Variants in KIF14 observed in about 807,000 individuals in gnomAD.
KIF14 encodes kinesin-like protein KIF14.
KIF14 carries 98 observed loss-of-function variants against 176.2 expected under a neutral mutation model. The ratio of observed to expected loss-of-function variants is 0.56; its 90% confidence interval spans 0.47 to 0.66. The LOEUF (loss-of-function observed/expected upper bound fraction) is 0.66. KIF14 is among the 30% of genes least tolerant of loss of function. The probability of loss-of-function intolerance (pLI) is 0.00; values close to 1 mark genes in which losing one functional copy is unlikely to be tolerated. For missense variants in KIF14, 1,751 were observed against 1,920.4 expected (o/e 0.91, Z 1.65); for synonymous variants, 566 against 632.2 (o/e 0.90, Z 1.57).
rs1022833428 is a variant in KIF14, at chr1:200,570,800, A to G, written c.3567-795T>C. ...AGGGGTACATGTGCAGGTTTGTTAC[A>G]TGGGTAAATTTCATGCTGTGGGGGT... On this transcript the variant is annotated intron_variant, in intron 22 of 29. Transcript: ENST00000367350. 2.0e-5 allele frequency among the ~76,000 whole-genome samples: 3 copies of G among 152,136 alleles called. No homozygotes were observed. The East Asian group carries it at 5.8e-4, about 29-fold the overall frequency.
At chr1:200,557,066 C>T (rs1299129861) in intron 27 of KIF14, among the ~76,000 whole-genome samples, 2 of 152,152 alleles carry the variant, frequency 1.3e-5, no homozygotes, top group African/African-American at 2.4e-5. Flanking sequence ...TGCAGTGGCA[C>T]GATCTTGGCT....
In KIF14 at chr1:200,617,961, A is replaced by T. The variant is rs764115320; in HGVS notation, c.763T>A (p.Tyr255Asn). 6.2e-7 allele frequency: 1 copy of T among 1,613,966 alleles called. No homozygotes were observed. The highest frequency in any genetic ancestry group is 8.5e-7 in the Non-Finnish European group (1 of 1,179,988). Residue 255 changes from tyrosine (Y) to asparagine (N), a missense_variant, in exon 2 of 30, where the codon TAT becomes AAT. Coordinates refer to ENST00000367350, the MANE Select transcript of KIF14 (RefSeq NM_014875.3). Reference protein sequence around the residue: ...DIKVLGTGNLYHRSIGKEIAK... With the variant: ...DIKVLGTGNLNHRSIGKEIAK... ...ATTTCCTTCCCAATACTTCTATGAT[A>T]CAAGTTTCCTGTTCCCAACACTTTG...
intron 9 of KIF14, 130 bp from the exon 10 acceptor site, chr1:200,603,471 G>A: frequency 1.7e-6 from 1 of 592,344 alleles, no homozygotes; most frequent in Non-Finnish European, 3.0e-6. Flanking sequence ...TTTTGAGACA[G>A]AGTCTCACTC....
At chr1:200,592,792 T>C (rs1293072732) in intron 15 of KIF14, among the ~76,000 whole-genome samples, 2 of 152,230 alleles carry the variant, frequency 1.3e-5, no homozygotes, top group Non-Finnish European at 2.9e-5. Flanking sequence ...ACCTGGATGG[T>C]ATAGCCTACT....
At chr1:200,617,492 T>G (rs1660458647) in intron 2 of KIF14, 120 bp downstream of exon 2, 1 of 955,886 alleles carries the variant, frequency 1.0e-6, no homozygotes, top group Admixed American at 2.4e-5. Flanking sequence ...TCTTTCTATA[T>G]AAAAGTATTG....
intron 5 of KIF14, among the ~76,000 whole-genome samples, chr1:200,607,575 A>T (rs940793718): frequency 7.9e-5 from 12 of 152,196 alleles, no homozygotes; most frequent in African/African-American, 2.9e-4. Context: ...TACATTATAC[A>T]TTTTCAACTT....
At position 200,617,805 on chromosome 1, in the gene KIF14, T is replaced by G. The variant is rs762230114; in HGVS notation, c.919A>C (p.Arg307=). 1.8e-5 allele frequency: 29 copies of G among 1,614,062 alleles called. No homozygotes were observed. Among genetic ancestry groups the G allele is most frequent in the Non-Finnish European group, 2.4e-5 (28 of 1,180,004 alleles). The change falls in exon 2 of 30, where the codon AGA becomes CGA. Residue 307 remains arginine, a synonymous_variant. Coordinates refer to ENST00000367350, the MANE Select transcript of KIF14 (RefSeq NM_014875.3). ...KSPAPSILKN[R]MSNLQVKQRP... ...TGTTTAACTTGAAGGTTAGACATTC[T>G]ATTCTTCAGTATTGATGGAGCTGGG...
In KIF14 at chr1:200,553,384, G is replaced by A. The variant is rs1260312926; in HGVS notation, c.*4C>T. On this transcript the variant is annotated 3_prime_UTR_variant, in exon 30 of 30. Transcript: ENST00000367350. ...TGGTCATAAAAGTGCCTACACATCA[G>A]TATTCACACCCACTGAATCCTACTG... The A allele has an allele frequency of 2.5e-6, 4 of 1,595,398 alleles. No homozygotes were observed. The highest frequency in any genetic ancestry group is 3.4e-6 in the Non-Finnish European group (4 of 1,172,102).
At chr1:200,566,632 G>T (rs571512405) in intron 23 of KIF14, among the ~76,000 whole-genome samples, 1 of 150,272 alleles carries the variant, frequency 6.7e-6, no homozygotes, top group East Asian at 2.1e-4. Flanking sequence ...TTGCTCTGTT[G>T]CCCAGGCTGG....
intron 1 of KIF14, among the ~76,000 whole-genome samples, chr1:200,619,753 T>C (rs1330702426): frequency 6.6e-6 from 1 of 152,250 alleles, no homozygotes; most frequent in East Asian, 1.9e-4. Context: ...CGATAAGTAC[T>C]GTAAATTAAT....
In KIF14 at chr1:200,565,536, G is replaced by T. The variant is rs139438069; in HGVS notation, c.3795C>A (p.Asp1265Glu). ...TTTTAAGAAAACTATTAATTAGGCTGTCTGCTATAGTTCTTTCTTCATCAT... is the reference window on the plus strand; with the variant it reads ...TTTTAAGAAAACTATTAATTAGGCTTTCTGCTATAGTTCTTTCTTCATCAT... Reference protein sequence around the residue: ...QSYDEERTIADSLINSFLKIY... With the variant: ...QSYDEERTIAESLINSFLKIY... The change falls in exon 24 of 30, where the codon GAC becomes GAA. Residue 1265 changes from aspartate (D) to glutamate (E), a missense_variant. Physicochemically the swap from Asp to Glu is conservative, Grantham distance 45. Coordinates refer to ENST00000367350, the MANE Select transcript of KIF14 (RefSeq NM_014875.3). 8.7e-6 allele frequency: 14 copies of T among 1,610,916 alleles called. No homozygotes were observed. The African/African-American group carries it at 1.9e-4, about 22-fold the overall frequency.
rs1472156135 is a variant in KIF14, at chr1:200,606,782, T to A, written c.1571A>T (p.His524Leu). Residue 524 changes from histidine to leucine, a missense_variant, in exon 6 of 30, where the codon CAT becomes CTT. Physicochemically the swap from His to Leu is moderately conservative, Grantham distance 99 (BLOSUM62 -3). Coordinates refer to ENST00000367350, the MANE Select transcript of KIF14 (RefSeq NM_014875.3). The part of the protein sequence containing the change: ...QRKQPLRVRE[H>L]PVYGPYVEAL... The stretch of plus-strand genomic sequence containing the variant: ...TTCAACATATGGTCCATAAACAGGA[T>A]GTTCCCTCACTCTCAGCTAGAAGAA... 1.2e-6 allele frequency: 2 copies of A among 1,613,392 alleles called. No individual in the cohort carries two copies. Among genetic ancestry groups the A allele is most frequent in the Admixed American group, 1.7e-5 (1 of 59,998 alleles).
Position 200,589,313 on chromosome 1 carries a change from G to T in KIF14, c.3018C>A (p.His1006Gln), listed in dbSNP as rs748381543. ...TTGCCTTTTCTAATTCCTCAATTTT[G>T]TGATTAGCCTTCTGGTTATTTATTT... ...MQEINNQKAN[H>Q]KIEELEKAKQ... The change falls in exon 18 of 30, where the codon CAC becomes CAA. Residue 1006 changes from histidine (H) to glutamine (Q), a missense_variant. Transcript: ENST00000367350. 6.2e-7 allele frequency: 1 copy of T among 1,610,556 alleles called. No homozygotes were observed. The highest frequency in any genetic ancestry group is 8.5e-7 in the Non-Finnish European group (1 of 1,177,444).
At chr1:200,588,227 T>G (rs1040697604) in intron 18 of KIF14, among the ~76,000 whole-genome samples, 3 of 147,128 alleles carry the variant, frequency 2.0e-5, no homozygotes, top group African/African-American at 7.8e-5. Context: ...AAAATTTGCT[T>G]TTTGTTTGTT....
intron 29 of KIF14, 65 bp downstream of exon 29, chr1:200,554,403 G>T (rs1656722965): frequency 8.9e-7 from 1 of 1,129,390 alleles, no homozygotes; most frequent in Non-Finnish European, 1.3e-6. Flanking sequence ...AAAAAAAAAG[G>T]AAAGATGTCT....
At chr1:200,602,136 A>G in intron 10 of KIF14, 68 bp from the exon 11 acceptor site, 2 of 1,315,910 alleles carry the variant, frequency 1.5e-6, no homozygotes, top group South Asian at 2.6e-5. Context: ...TCTAGAAAGC[A>G]CAAAACAAAC....
rs140459039 is a variant in KIF14, at chr1:200,580,371, T to C, written c.3348A>G (p.Ser1116=). The C allele has an allele frequency of 4.0e-5, 60 of 1,488,796 alleles. No homozygotes were observed. Among genetic ancestry groups the C allele is most frequent in the Non-Finnish European group, 5.2e-5 (58 of 1,114,764 alleles). 92.2% of individuals were successfully genotyped at this position (1,488,796 alleles called of 1,614,324 possible). The part of the protein sequence containing the change: ...TYYVFGRHDI[S]DKSSSDTSIR... ...TAGAAGTGTCAGAACTACTTTTATC[T>C]GATATATCATGTCTGAAAGAAAAAT... The change falls in exon 21 of 30, where the codon TCA becomes TCG. Residue 1116 remains serine (S), a synonymous_variant. Coordinates refer to ENST00000367350, the MANE Select transcript of KIF14 (RefSeq NM_014875.3).
chr1:200,589,244 T>G lies in KIF14; in HGVS notation c.3087A>C (p.Leu1029Phe), dbSNP rs1658914313. 6.2e-7 allele frequency: 1 copy of G among 1,608,896 alleles called. No homozygotes were observed. Among genetic ancestry groups the G allele is most frequent in the South Asian group, 1.1e-5 (1 of 90,002 alleles). Reference protein sequence around the residue: ...EQEIYVNKKRLEMETLATKQA... With the variant: ...EQEIYVNKKRFEMETLATKQA... ...GTTTTGTAGCCAATGTTTCCATTTC[T>G]AATCGCTTTTTGTTGACATATATTT... Residue 1029 changes from leucine to phenylalanine, a missense_variant, in exon 18 of 30, where the codon TTA (leucine) becomes TTC (phenylalanine). Physicochemically the swap from Leu to Phe is conservative, Grantham distance 22. Coordinates refer to ENST00000367350, the MANE Select transcript of KIF14 (RefSeq NM_014875.3).
At chr1:200,603,415 C>A in intron 9 of KIF14, 74 bp from the exon 10 acceptor site, 1 of 739,618 alleles carries the variant, frequency 1.4e-6, no homozygotes, top group Non-Finnish European at 2.4e-6. Flanking sequence ...AAATATATTT[C>A]TCCCCTCATA....
Sources: gnomAD v4.1 joint callset for allele counts (sites outside exome capture counted in the v4.1 genomes callset) on GRCh38, gnomAD v4.1.1 for gene constraint, MANE v1.5 for transcripts, NCBI Gene and HGNC (gene_info 2026-07-23, HGNC 2026-07-21) for gene names.